CDH6: variants seen among roughly 807,000 people sequenced by gnomAD.
The protein encoded by CDH6 is cadherin 6.
CDH6 carries 31 observed loss-of-function variants against 78.0 expected under a neutral mutation model. The observed-to-expected ratio is 0.40, with a 90% CI of 0.30 to 0.54. The LOEUF is 0.54. Among genes scored for constraint, CDH6 ranks in the 20% least tolerant of loss-of-function variants. CDH6 has a pLI of 0.56. For missense variants in CDH6, 724 were observed against 975.9 expected (o/e 0.74, Z 3.44); for synonymous variants, 376 against 368.8 (o/e 1.02, Z -0.23).
At chr5:31,238,608 T>C (rs1741516736) in intron 1 of CDH6, among the ~76,000 whole-genome samples, 2 of 152,238 alleles carry the variant, frequency 1.3e-5, no homozygotes, top group Non-Finnish European at 2.9e-5. Context: ...TTAAAGAGAA[T>C]GGAAACCATA....
Position 31,302,805 on chromosome 5 carries a change from A to G in CDH6, c.999+507A>G, listed in dbSNP as rs1441568298. 9.1e-4 allele frequency among the ~76,000 whole-genome samples: 95 copies of G among 104,532 alleles called. 4 individuals carry two copies. The highest frequency in any genetic ancestry group is 3.4e-3 in the African/African-American group (85 of 24,690). 68.6% of individuals were successfully genotyped at this position (104,532 alleles called of 152,430 possible). A position where few individuals can be genotyped will look rare whatever the true frequency, so the allele number is the denominator to read the frequency against. ...GAGAGAGAGAGAGAGAGAGAGAAAG[A>G]AAGAAAGAAAGAAAGAAAGAAAGAA... is the stretch of plus-strand genomic sequence containing the variant. On this transcript the variant is annotated intron_variant, in intron 6 of 11. Transcript: ENST00000265071.
At chr5:31,296,209 A>G (rs1328345429) in intron 3 of CDH6, among the ~76,000 whole-genome samples, 1 of 152,216 alleles carries the variant, frequency 6.6e-6, no homozygotes, top group Non-Finnish European at 1.5e-5. Context: ...CTCCAGCAGT[A>G]TGCTTACTGG....
intron 1 of CDH6, among the ~76,000 whole-genome samples, chr5:31,228,456 G>T (rs753542158): frequency 1.7e-4 from 26 of 152,190 alleles, no homozygotes; most frequent in Non-Finnish European, 3.4e-4. Flanking sequence ...TTGTGGAATG[G>T]AGAAAAGTAT....
At chr5:31,247,864 T>C (rs1338972265) in intron 1 of CDH6, among the ~76,000 whole-genome samples, 1 of 152,066 alleles carries the variant, frequency 6.6e-6, no homozygotes, top group African/African-American at 2.4e-5. Flanking sequence ...ATTAGCAAAA[T>C]AAAGGATTCC....
intron 7 of CDH6, among the ~76,000 whole-genome samples, chr5:31,312,943 A>G (rs1354704804): frequency 1.5e-5 from 1 of 68,050 alleles, no homozygotes; most frequent in African/African-American, 3.7e-5. Context: ...ATATGCATAC[A>G]AGCACACACA....
intron 1 of CDH6, among the ~76,000 whole-genome samples, chr5:31,200,786 C>T (rs1740331301): frequency 6.6e-6 from 1 of 152,006 alleles, no homozygotes; most frequent in Non-Finnish European, 1.5e-5. Context: ...ATATGGTTGA[C>T]ATTGATGAGC....
chr5:31,261,781 T>C (rs16900795), intron 1 of CDH6, among the ~76,000 whole-genome samples: 50 of 152,032 alleles, frequency 3.3e-4, no homozygotes, highest in Admixed American at 9.2e-4. Flanking sequence ...TTGAACGTAA[T>C]TATATTGCTT....
intron 2 of CDH6, among the ~76,000 whole-genome samples, chr5:31,273,311 G>T (rs923587643): frequency 3.3e-5 from 5 of 152,150 alleles, no homozygotes; most frequent in Non-Finnish European, 7.4e-5. Context: ...GCGTGATTCA[G>T]CGAGTCTCTG....
intron 1 of CDH6, among the ~76,000 whole-genome samples, chr5:31,194,515 C>T (rs980402002): frequency 3.9e-5 from 6 of 152,200 alleles, no homozygotes; most frequent in Non-Finnish European, 7.3e-5. Flanking sequence ...TTAGCTTGCA[C>T]GTTCCGGGCA....
At chr5:31,297,477 T>C (rs1289496779) in intron 4 of CDH6, 69 bp downstream of exon 4, 1 of 1,179,826 alleles carries the variant, frequency 8.5e-7, no homozygotes, top group African/African-American at 1.6e-5. Flanking sequence ...AGCTAGCATA[T>C]TTTTAATAAA....
intron 1 of CDH6, among the ~76,000 whole-genome samples, chr5:31,253,539 A>G (rs757944094): frequency 3.6e-4 from 55 of 152,308 alleles, no homozygotes; most frequent in Non-Finnish European, 6.6e-4. Flanking sequence ...AGAGTAATAC[A>G]GGACCTCTCT....
chr5:31,287,373 C>T (rs1451557370), intron 2 of CDH6, among the ~76,000 whole-genome samples: 1 of 152,146 alleles, frequency 6.6e-6, no homozygotes, highest in East Asian at 1.9e-4. Flanking sequence ...ATCCAAATCC[C>T]ACCACTTTCC....
intron 1 of CDH6, among the ~76,000 whole-genome samples, chr5:31,195,540 G>A (rs537665067): frequency 6.6e-6 from 1 of 152,294 alleles, no homozygotes; most frequent in South Asian, 2.1e-4. Context: ...ATCATCCCGT[G>A]TGTAATAGTA....
At chr5:31,268,288 C>T (rs1049444795) in intron 2 of CDH6, among the ~76,000 whole-genome samples, 1 of 152,186 alleles carries the variant, frequency 6.6e-6, no homozygotes, top group Non-Finnish European at 1.5e-5. Flanking sequence ...ATTTCAAAAT[C>T]TTTTGATTTA....
At chr5:31,217,298 CT>C (rs1186855522) in intron 1 of CDH6, among the ~76,000 whole-genome samples, 1 of 152,094 alleles carries the variant, frequency 6.6e-6, no homozygotes, top group Non-Finnish European at 1.5e-5. Context: ...ACATCACAGC[CT>C]AATGCACACA....
intron 7 of CDH6, among the ~76,000 whole-genome samples, chr5:31,309,655 A>G (rs1376178328): frequency 7.2e-6 from 1 of 138,918 alleles, no homozygotes; most frequent in East Asian, 2.1e-4. Flanking sequence ...TTAAACTGCT[A>G]TAAAGAACTA....
chr5:31,206,172 TAG>T (rs778898917), intron 1 of CDH6, among the ~76,000 whole-genome samples: 7 of 152,024 alleles, frequency 4.6e-5, no homozygotes, highest in Non-Finnish European at 7.4e-5. Flanking sequence ...AGATGGAAAA[TAG>T]ACAGATAGAT....
chr5:31,322,581 A>T (rs1374741052), intron 11 of CDH6, among the ~76,000 whole-genome samples: 1 of 152,204 alleles, frequency 6.6e-6, no homozygotes, highest in African/African-American at 2.4e-5. Context: ...CTGCCAAAAT[A>T]TGATGGTGTT....
chr5:31,198,042 T>A (rs1056921243), intron 1 of CDH6, among the ~76,000 whole-genome samples: 1 of 152,130 alleles, frequency 6.6e-6, no homozygotes, highest in Non-Finnish European at 1.5e-5. Context: ...GGGGAGAGTA[T>A]AAACAACCCT....
Sources: gnomAD v4.1 joint callset for allele counts (sites outside exome capture counted in the v4.1 genomes callset) on GRCh38, gnomAD v4.1.1 for gene constraint, MANE v1.5 for transcripts, NCBI Gene and HGNC (gene_info 2026-07-23, HGNC 2026-07-21) for gene names.